The following IL34 variants were observed in gnomAD, a reference collection of about 807,000 sequenced individuals.
The protein encoded by IL34 is interleukin 34.
IL34 carries 17 observed loss-of-function variants against 25.3 expected under a neutral mutation model. That is an observed-to-expected ratio of 0.67 (90% CI 0.46 to 1.01). IL34 has a LOEUF of 1.01. Among genes scored for constraint, IL34 ranks in the 50% least tolerant of loss-of-function variants. The probability of loss-of-function intolerance (pLI) is 0.00; values close to 1 mark genes in which losing one functional copy is unlikely to be tolerated. For missense variants in IL34, 368 were observed against 312.9 expected, an observed-to-expected ratio of 1.18 and a Z score of -1.33; for synonymous variants, 174 against 140.9, an observed-to-expected ratio of 1.23 and a Z score of -1.66.
chr16:70,635,862 C>T (rs992137661), intron 1 of IL34, among the ~76,000 whole-genome samples: 10 of 152,072 alleles, frequency 6.6e-5, no homozygotes, highest in Admixed American at 5.9e-4. Flanking sequence ...TCTAAGTTTT[C>T]TGTATATAGA....
intron 4 of IL34, among the ~76,000 whole-genome samples, chr16:70,657,649 C>T (rs2052267601): frequency 6.6e-6 from 1 of 152,130 alleles, no homozygotes; most frequent in African/African-American, 2.4e-5. Context: ...GTGGTGGGCA[C>T]CTGTTATCCC....
At chr16:70,581,903 T>C (rs1443865089) in intron 1 of IL34, among the ~76,000 whole-genome samples, 3 of 151,486 alleles carry the variant, frequency 2.0e-5, no homozygotes, top group Non-Finnish European at 4.4e-5. Flanking sequence ...GGAAACATGG[T>C]GAAACCCTGT....
intron 1 of IL34, among the ~76,000 whole-genome samples, chr16:70,651,905 C>CA: frequency 6.6e-6 from 1 of 151,702 alleles, no homozygotes; most frequent in Non-Finnish European, 1.5e-5. Flanking sequence ...GTGGGTGGAT[C>CA]ACGAGGTCAG....
chr16:70,650,165 G>T (rs182759978), intron 1 of IL34, among the ~76,000 whole-genome samples: 43 of 152,320 alleles, frequency 2.8e-4, no homozygotes, highest in Admixed American at 2.5e-3. Flanking sequence ...AAGGTCAGGG[G>T]TGGCACTGGC....
chr16:70,646,278 C>T (rs1345076406), upstream of IL34, among the ~76,000 whole-genome samples: 1 of 152,112 alleles, frequency 6.6e-6, no homozygotes, highest in Non-Finnish European at 1.5e-5. Flanking sequence ...ATGGACTCTA[C>T]CATGGCTCTC....
At chr16:70,580,761 AC>A (rs1354839058) in intron 1 of IL34, among the ~76,000 whole-genome samples, 6 of 151,596 alleles carry the variant, frequency 4.0e-5, no homozygotes, top group African/African-American at 1.5e-4. Context: ...AGCCTGGGTA[AC>A]AGAGTGAGAC....
At chr16:70,645,621 T>A (rs1238724565), upstream of IL34, among the ~76,000 whole-genome samples, 5 of 152,116 alleles carry the variant, frequency 3.3e-5, no homozygotes, top group African/African-American at 1.2e-4. Flanking sequence ...GCCCACAGGG[T>A]TTGAATTCCT....
intron 1 of IL34, among the ~76,000 whole-genome samples, chr16:70,634,918 C>A (rs79085778): frequency 4.7e-5 from 6 of 127,300 alleles, no homozygotes; most frequent in Non-Finnish European, 8.2e-5. Context: ...ATCAGCAGTT[C>A]CTTTTAATTT....
chr16:70,590,930 C>T (rs1293361801), intron 1 of IL34, among the ~76,000 whole-genome samples: 3 of 152,230 alleles, frequency 2.0e-5, no homozygotes, highest in Non-Finnish European at 4.4e-5. Context: ...TCCCCGTCGT[C>T]AGTGCGCTGC....
Position 70,660,168 on chromosome 16 carries a change from G to A in IL34, c.710G>A (p.Gly237Asp), listed in dbSNP as rs1597785347. The change falls in exon 6 of 6, where the codon GGC becomes GAC. Residue 237 changes from glycine to aspartate, a missense_variant. Transcript: ENST00000288098. The part of the protein sequence containing the change: ...TGSVRPVRAQ[G>D]EGLLP Reference sequence around the variant, plus strand: ...TCGGTGAGGCCGGTCAGGGCACAGGGCGAGGGCCTCTTGCCCTGAGCACCC... The same window carrying A: ...TCGGTGAGGCCGGTCAGGGCACAGGACGAGGGCCTCTTGCCCTGAGCACCC... 6.3e-7 allele frequency: 1 copy of A among 1,595,838 alleles called. No individual in the cohort carries two copies. The highest frequency in any genetic ancestry group is 1.1e-5 in the South Asian group (1 of 88,206).
intron 1 of IL34, among the ~76,000 whole-genome samples, chr16:70,617,290 G>A (rs1483282375): frequency 2.6e-5 from 4 of 152,194 alleles, no homozygotes; most frequent in Admixed American, 1.3e-4. Flanking sequence ...ATTCAGTATA[G>A]TCCTGCCAGC....
chr16:70,631,233 T>C (rs1233771661), intron 1 of IL34, among the ~76,000 whole-genome samples: 1 of 152,186 alleles, frequency 6.6e-6, no homozygotes, highest in African/African-American at 2.4e-5. Flanking sequence ...ACTGAGCCAA[T>C]AGCTACTGTG....
chr16:70,654,415 A>C (rs146435337), intron 1 of IL34, 123 bp from the exon 2 acceptor site: 1 of 1,336,000 alleles, frequency 7.5e-7, no homozygotes, highest in Non-Finnish European at 1.0e-6. Context: ...CCCCCACCAC[A>C]CCTTTCCCAT....
At chr16:70,584,593 T>TC (rs1362870417) in intron 1 of IL34, among the ~76,000 whole-genome samples, 1 of 152,178 alleles carries the variant, frequency 6.6e-6, no homozygotes, top group Non-Finnish European at 1.5e-5. Context: ...CACCACCAAG[T>TC]CCCAGCTGCC....
upstream of IL34, among the ~76,000 whole-genome samples, chr16:70,642,152 C>T (rs148995870): frequency 3.0e-4 from 46 of 152,194 alleles, 1 homozygote; most frequent in Admixed American, 1.6e-3. Flanking sequence ...GATTGATTTC[C>T]GGTGAGGGCT....
chr16:70,634,857 T>G (rs889773839), intron 1 of IL34, among the ~76,000 whole-genome samples: 2 of 152,092 alleles, frequency 1.3e-5, no homozygotes, highest in Non-Finnish European at 2.9e-5. Flanking sequence ...TTGTGTCTGG[T>G]TGCTTTTGCT....
Position 70,631,759 on chromosome 16 carries a change from C to T in IL34, c.-400-14789C>T, listed in dbSNP as rs1376606411. Among the ~76,000 whole-genome samples, 4 of 152,128 alleles carry T rather than the reference C, an allele frequency of 2.6e-5. No individual in the cohort carries two copies. In the East Asian group the frequency reaches 5.8e-4, roughly 22 times the overall value. ...AGCAGGTATACACTGGGCGGGATAG[C>T]CCAGTGGTTAAGACGGTCCCTGCTG... is the stretch of plus-strand genomic sequence containing the variant. On this transcript the variant is annotated intron_variant, in intron 1 of 6. Transcript: ENST00000429149.
intron 1 of IL34, among the ~76,000 whole-genome samples, chr16:70,605,962 G>A (rs1195959453): frequency 5.1e-5 from 7 of 137,566 alleles, no homozygotes; most frequent in Non-Finnish European, 9.1e-5. Context: ...GTGAGCCACC[G>A]CACCTGGTTT....
At chr16:70,655,057 TC>T (rs1240531654) in intron 2 of IL34, among the ~76,000 whole-genome samples, 1 of 144,896 alleles carries the variant, frequency 6.9e-6, no homozygotes. Context: ...GCTCTATGTA[TC>T]TTTTTTTTTT....
Sources: allele counts gnomAD v4.1 joint callset (sites outside exome capture counted in the v4.1 genomes callset), GRCh38; gene constraint gnomAD v4.1.1; transcripts MANE v1.5; gene names NCBI Gene and HGNC (gene_info 2026-07-23, HGNC 2026-07-21).